The following ADGRV1 variants were observed in gnomAD, a reference collection of about 807,000 sequenced individuals.
ADGRV1 encodes G-protein coupled receptor 98.
In ADGRV1, 359 loss-of-function variants were observed where a neutral mutation model predicts 596.2. The observed-to-expected ratio is 0.60, with a 90% CI of 0.55 to 0.66. The LOEUF (loss-of-function observed/expected upper bound fraction) is 0.66. Ranked by LOEUF, ADGRV1 falls within the 30% of genes least tolerant of loss-of-function variation. The pLI, the probability that ADGRV1 is intolerant of heterozygous loss-of-function variation, is 0.00. For missense variants in ADGRV1, 7,274 were observed against 7,575.6 expected (o/e 0.96, Z 1.48); for synonymous variants, 2,681 against 2,679.2 (o/e 1.00, Z -0.02).
At chr5:90,836,101 TCA>T (rs747317164) in intron 77 of ADGRV1, among the ~76,000 whole-genome samples, 2 of 152,204 alleles carry the variant, frequency 1.3e-5, no homozygotes, top group Non-Finnish European at 2.9e-5. Flanking sequence ...TGGTGAGAAT[TCA>T]CAGAGACTGG....
chr5:90,886,095 T>G (rs999805586), intron 83 of ADGRV1, among the ~76,000 whole-genome samples: 1 of 152,164 alleles, frequency 6.6e-6, no homozygotes, highest in African/African-American at 2.4e-5. Flanking sequence ...ATCCATATTT[T>G]TTGAGCAGCA....
At chr5:90,654,488 G>T (rs1210331629) in intron 20 of ADGRV1, 1 of 164,688 alleles carries the variant, frequency 6.1e-6, no homozygotes, top group Middle Eastern at 3.3e-3. Flanking sequence ...ATTCTACAGA[G>T]TGCTTTGAAG....
chr5:90,758,098 C>T (rs1439024338), intron 57 of ADGRV1, among the ~76,000 whole-genome samples: 2 of 151,998 alleles, frequency 1.3e-5, no homozygotes, highest in African/African-American at 4.8e-5. Flanking sequence ...TTTGGGAGGC[C>T]GAGGCGGGTG....
intron 87 of ADGRV1, among the ~76,000 whole-genome samples, chr5:91,109,393 T>A (rs2126683716): frequency 6.6e-6 from 1 of 152,326 alleles, no homozygotes; most frequent in South Asian, 2.1e-4. Context: ...ATAATTGTGT[T>A]TTTGCCACTT....
chr5:90,698,316 CTTAAGT>C lies in ADGRV1; in HGVS notation c.8155+1175_8155+1180del, dbSNP rs564956361. Among the ~76,000 whole-genome samples the C allele has an allele frequency of 5.8e-4, 89 of 152,282 alleles. 1 individual carries two copies. In the East Asian group the frequency reaches 0.012, roughly 20 times the overall value. On this transcript the variant is annotated intron_variant, in intron 34 of 89. Transcript: ENST00000405460. Reference sequence around the variant, plus strand: ...CAGACACTCCACCTTCATTATTTCACTTAAGTTTAACAGCAGTCCTATGATATAGGT... The same window carrying C: ...CAGACACTCCACCTTCATTATTTCACTTAACAGCAGTCCTATGATATAGGT...
chr5:90,595,969 C>G (rs1343728062), intron 1 of ADGRV1, among the ~76,000 whole-genome samples: 1 of 149,342 alleles, frequency 6.7e-6, no homozygotes. Context: ...GGCTGCCGGG[C>G]GGAGAGGCTC....
chr5:90,661,368 C>A (rs1346105685), intron 21 of ADGRV1, among the ~76,000 whole-genome samples: 2 of 152,116 alleles, frequency 1.3e-5, no homozygotes, highest in African/African-American at 4.8e-5. Flanking sequence ...GGAAGATCTT[C>A]ATGAAAACAA....
In ADGRV1 at chr5:90,726,549, T is replaced by C. The variant is rs560081190; in HGVS notation, c.10161+893T>C. Among the ~76,000 whole-genome samples, 11 of 152,320 alleles carry C rather than the reference T, an allele frequency of 7.2e-5. No homozygotes were observed. In the South Asian group the frequency reaches 2.3e-3, roughly 32 times the overall value. On this transcript the variant is annotated intron_variant, in intron 48 of 89. Coordinates refer to ENST00000405460, the MANE Select transcript of ADGRV1 (RefSeq NM_032119.4). ...TGGGTGTTTTTCTGTGTAATCATTA[T>C]ACATTCCACCAGCATGTGACAGTCA...
chr5:90,762,939 C>G (rs1756664658), intron 58 of ADGRV1: 1 of 163,664 alleles, frequency 6.1e-6, no homozygotes, highest in Non-Finnish European at 1.3e-5. Context: ...GTTATGTCCT[C>G]TTCTAGGTCC....
At chr5:90,995,348 C>T (rs1781325677) in intron 85 of ADGRV1, among the ~76,000 whole-genome samples, 1 of 152,124 alleles carries the variant, frequency 6.6e-6, no homozygotes, top group African/African-American at 2.4e-5. Flanking sequence ...TTTGAAAGAG[C>T]TCCAGCTTCA....
At chr5:90,597,869 CAGTCTATGGAGAT>C (rs1378017969) in intron 1 of ADGRV1, among the ~76,000 whole-genome samples, 1 of 151,902 alleles carries the variant, frequency 6.6e-6, no homozygotes, top group African/African-American at 2.4e-5. Context: ...TTTTTGGAGA[CAGTCTATGGAGAT>C]AGAGATGGAT....
intron 83 of ADGRV1, among the ~76,000 whole-genome samples, chr5:90,957,544 A>G (rs1777580601): frequency 1.4e-5 from 2 of 139,218 alleles, no homozygotes; most frequent in African/African-American, 2.8e-5. Context: ...TCCTTTTTCT[A>G]ATTTCAACTG....
intron 11 of ADGRV1, among the ~76,000 whole-genome samples, chr5:90,638,230 A>G (rs1190034839): frequency 6.6e-6 from 1 of 151,726 alleles, no homozygotes; most frequent in Non-Finnish European, 1.5e-5. Context: ...AACATAGCTA[A>G]TATGTTGTTA....
chr5:90,929,012 G>A (rs1313508738), intron 83 of ADGRV1, among the ~76,000 whole-genome samples: 1 of 149,380 alleles, frequency 6.7e-6, no homozygotes, highest in Non-Finnish European at 1.5e-5. Context: ...GCTGCGTGCT[G>A]GGAGAACCAC....
rs762073673 is a variant in ADGRV1 at position 90,863,846 on chromosome 5, T to C, written c.17845T>C (p.Leu5949=). The change falls in exon 83 of 90, where the codon TTA becomes CTA. Residue 5949 remains leucine, a synonymous_variant. Transcript: ENST00000405460. ...KLLTHMMAAS[L]GTQILFLASA... ...TCTGACTCACATGATGGCAGCCAGC[T>C]TAGGTACACAGGTAGGAGAGCGCTG... 6.2e-7 allele frequency: 1 copy of C among 1,609,252 alleles called. No individual in the cohort carries two copies. Among genetic ancestry groups the C allele is most frequent in the South Asian group, 1.1e-5 (1 of 90,936 alleles).
intron 21 of ADGRV1, among the ~76,000 whole-genome samples, chr5:90,663,728 G>C (rs931474389): frequency 6.6e-6 from 1 of 152,120 alleles, no homozygotes. Context: ...TTTTCTTCAA[G>C]GGTTTTTATG....
Position 90,755,024 on chromosome 5 carries a change from G to T in ADGRV1, c.11419G>T (p.Gly3807Ter), listed in dbSNP as rs773212093. 6.2e-7 allele frequency: 1 copy of T among 1,613,230 alleles called. No individual in the cohort carries two copies. Among genetic ancestry groups the T allele is most frequent in the African/African-American group, 1.3e-5 (1 of 74,874 alleles). ...TLQLQIARDKGLLGDIAIHLR... is the reference protein window; with the variant it reads ...TLQLQIARDK ...TCAGTTACAAATAGCTCGAGATAAA[G>T]GACTACTTGGGGATATTGCCATTCA... is the stretch of plus-strand genomic sequence containing the variant. The change falls in exon 55 of 90, where the codon GGA (glycine) becomes TGA (stop). Residue 3807 changes from glycine (G) to a stop codon, truncating the protein, a stop_gained. Coordinates refer to ENST00000405460, the MANE Select transcript of ADGRV1 (RefSeq NM_032119.4). LOFTEE classifies it high-confidence loss of function.
At chr5:90,582,256 G>A (rs1364078467) in intron 1 of ADGRV1, among the ~76,000 whole-genome samples, 1 of 151,550 alleles carries the variant, frequency 6.6e-6, no homozygotes, top group African/African-American at 2.4e-5. Flanking sequence ...TTAATTTTTT[G>A]CCTCAATGAT....
intron 77 of ADGRV1, 30 bp downstream of exon 77, chr5:90,829,216 G>A (rs192179543): frequency 1.9e-5 from 27 of 1,396,524 alleles, no homozygotes; most frequent in Middle Eastern, 3.9e-4. Flanking sequence ...ATTCATACAC[G>A]TTATGGTTTT....
Sources: allele counts gnomAD v4.1 joint callset (sites outside exome capture counted in the v4.1 genomes callset), GRCh38; gene constraint gnomAD v4.1.1; transcripts MANE v1.5; gene names NCBI Gene and HGNC (gene_info 2026-07-23, HGNC 2026-07-21).